PPP4R2: variants seen among roughly 807,000 people sequenced by gnomAD.
The protein encoded by PPP4R2 is protein phosphatase 4 regulatory subunit 2.
Under a neutral mutation model 47.2 loss-of-function variants are expected in PPP4R2, and 13 were observed. The ratio of observed to expected loss-of-function variants is 0.28; its 90% CI spans 0.18 to 0.44. The LOEUF (loss-of-function observed/expected upper bound fraction) is 0.44. PPP4R2 is among the 20% of genes least tolerant of loss of function. The pLI is 1.00. For synonymous variants in PPP4R2, 151 were observed against 163.3 expected (o/e 0.92, Z 0.57); for missense variants, 421 against 491.2 (o/e 0.86, Z 1.35).
At chr3:73,063,869 T>G in intron 6 of PPP4R2, 122 bp downstream of exon 6, 1 of 1,098,036 alleles carries the variant, frequency 9.1e-7, no homozygotes, top group East Asian at 2.4e-5. Context: ...TACATAGAAT[T>G]AGTTAATTTG....
Position 73,006,239 on chromosome 3 carries a change from G to T in PPP4R2, c.116+8081G>T, listed in dbSNP as rs370765789. 5.0e-3 allele frequency among the ~76,000 whole-genome samples: 633 copies of T among 127,236 alleles called. 8 individuals are homozygous for T. Among genetic ancestry groups the T allele is most frequent in the African/African-American group, 0.017 (568 of 33,786 alleles). The allele number at this position is 127,236 out of a possible 152,430, so 83.5% of individuals were successfully genotyped here. ...TTTTGAGATGGAGTGTCGCCCTGTT[G>T]CCCAGGCTGGAATACAGTGGTATGA... On this transcript the variant is annotated intron_variant, in intron 2 of 8. Transcript: ENST00000356692.
intron 2 of PPP4R2, among the ~76,000 whole-genome samples, 156 bp downstream of exon 2, chr3:72,998,314 A>G (rs567933922): frequency 6.6e-6 from 1 of 152,364 alleles, no homozygotes; most frequent in Non-Finnish European, 1.5e-5. Context: ...CATTTAAAGA[A>G]CGTATACGCT....
intron 1 of PPP4R2, chr3:72,997,346 A>T: frequency 3.0e-6 from 1 of 337,260 alleles, no homozygotes; most frequent in Non-Finnish European, 5.4e-6. Flanking sequence ...CCACCCGTTC[A>T]GGGGACGAGT....
intron 2 of PPP4R2, among the ~76,000 whole-genome samples, chr3:73,039,131 C>CT (rs1292689584): frequency 7.9e-5 from 12 of 152,026 alleles, no homozygotes; most frequent in African/African-American, 1.4e-4. Context: ...AAAAACAATA[C>CT]TTTTTTTATG....
chr3:73,038,850 G>T (rs905719200), intron 2 of PPP4R2, among the ~76,000 whole-genome samples: 2 of 152,166 alleles, frequency 1.3e-5, no homozygotes, highest in African/African-American at 4.8e-5. Flanking sequence ...CTGAGCTATT[G>T]TCTGAAAGTT....
rs1482462148 is a variant in PPP4R2 at position 73,066,175 on chromosome 3, C to T, written c.*453C>T. 6.8e-6 allele frequency: 1 copy of T among 148,008 alleles called. No homozygotes were observed. The highest frequency in any genetic ancestry group is 1.5e-5 in the Non-Finnish European group (1 of 67,092). 9.2% of individuals were successfully genotyped at this position (148,008 alleles called of 1,614,324 possible). On this transcript the variant is annotated 3_prime_UTR_variant, in exon 9 of 9. Coordinates refer to ENST00000356692, the MANE Select transcript of PPP4R2 (RefSeq NM_174907.4). ...TTTTAACATGTGAATTATAGGGTTTCATGCTGGTTTCCAGATTTTATTGTT... is the reference window on the plus strand; with the variant it reads ...TTTTAACATGTGAATTATAGGGTTTTATGCTGGTTTCCAGATTTTATTGTT...
chr3:73,016,319 C>G (rs1701830668), intron 2 of PPP4R2, among the ~76,000 whole-genome samples: 3 of 151,686 alleles, frequency 2.0e-5, no homozygotes, highest in Admixed American at 2.0e-4. Context: ...CCAGGGCTGA[C>G]AATGTCTAGA....
At chr3:72,999,760 A>G (rs981499806) in intron 2 of PPP4R2, among the ~76,000 whole-genome samples, 2 of 152,056 alleles carry the variant, frequency 1.3e-5, no homozygotes, top group African/African-American at 4.8e-5. Context: ...CCAATCCTCC[A>G]CCCCATATTC....
intron 2 of PPP4R2, among the ~76,000 whole-genome samples, chr3:73,037,653 ATTG>A (rs1163048784): frequency 6.6e-6 from 1 of 152,166 alleles, no homozygotes; most frequent in African/African-American, 2.4e-5. Context: ...AAACTCATTT[ATTG>A]TTTATATTAA....
intron 2 of PPP4R2, among the ~76,000 whole-genome samples, chr3:73,008,874 T>C (rs1575841535): frequency 1.3e-5 from 2 of 152,208 alleles, no homozygotes; most frequent in Non-Finnish European, 2.9e-5. Flanking sequence ...TAGGTTTGAA[T>C]TCTGAATTTC....
At chr3:73,033,055 A>C (rs1702199366) in intron 2 of PPP4R2, among the ~76,000 whole-genome samples, 1 of 152,128 alleles carries the variant, frequency 6.6e-6, no homozygotes, top group South Asian at 2.1e-4. Context: ...ATCATCCTGT[A>C]ATTAACTTTT....
intron 2 of PPP4R2, among the ~76,000 whole-genome samples, chr3:73,041,437 T>G (rs2107298512): frequency 6.6e-6 from 1 of 152,370 alleles, no homozygotes; most frequent in African/African-American, 2.4e-5. Context: ...ATATACTTGT[T>G]TTGTTTGCCT....
At chr3:73,046,164 A>G (rs2107308393) in intron 2 of PPP4R2, among the ~76,000 whole-genome samples, 1 of 152,298 alleles carries the variant, frequency 6.6e-6, no homozygotes, top group South Asian at 2.1e-4. Context: ...ATGGATTATC[A>G]GTTTTATCCA....
At chr3:73,062,149 G>C (rs1275444590) in intron 5 of PPP4R2, 2 of 1,547,984 alleles carry the variant, frequency 1.3e-6, no homozygotes, top group Non-Finnish European at 1.7e-6. Flanking sequence ...GTCTGTGACA[G>C]ATCTTACAAA....
intron 3 of PPP4R2, among the ~76,000 whole-genome samples, chr3:73,055,667 C>CTTT (rs5850095): frequency 2.1e-5 from 3 of 143,088 alleles, no homozygotes; most frequent in African/African-American, 5.2e-5. Context: ...AAACCAAACG[C>CTTT]TTTTTTTTTT....
intron 2 of PPP4R2, among the ~76,000 whole-genome samples, chr3:73,019,249 G>A (rs1393855173): frequency 6.6e-6 from 1 of 152,162 alleles, no homozygotes; most frequent in South Asian, 2.1e-4. Context: ...AGTGCACTCT[G>A]TGATGTTCAC....
At chr3:72,997,148 C>A in intron 1 of PPP4R2, 77 bp downstream of exon 1, 1 of 1,182,380 alleles carries the variant, frequency 8.5e-7, no homozygotes, top group South Asian at 3.0e-5. Flanking sequence ...GCGGATGGTT[C>A]CGAGGACCGG....
At chr3:73,038,238 A>G (rs9847243) in intron 2 of PPP4R2, among the ~76,000 whole-genome samples, 66,693 of 152,030 alleles carry the variant, frequency 0.44, 14,840 homozygotes, top group South Asian at 0.55. Flanking sequence ...CAAGTTAAAA[A>G]ACTCAACATC....
At position 73,062,425 on chromosome 3, in the gene PPP4R2, A is replaced by G. The variant is rs374990636; in HGVS notation, c.420-1248A>G. ...GCCAAGTCTATGCTAGACCCAGCAC[A>G]TAAATCTCATTTCCACCCTGTGACC... On this transcript the variant is annotated intron_variant, in intron 5 of 8. Coordinates refer to ENST00000356692, the MANE Select transcript of PPP4R2 (RefSeq NM_174907.4). 2.4e-5 allele frequency: 39 copies of G among 1,611,432 alleles called. No homozygotes were observed. The highest frequency in any genetic ancestry group is 2.8e-5 in the Non-Finnish European group (33 of 1,179,020).
Sources: allele counts gnomAD v4.1 joint callset (sites outside exome capture counted in the v4.1 genomes callset), GRCh38; gene constraint gnomAD v4.1.1; transcripts MANE v1.5; gene names NCBI Gene and HGNC (gene_info 2026-07-23, HGNC 2026-07-21).